The following CDH13 variants were observed in gnomAD, a reference collection of about 807,000 sequenced individuals.
CDH13 encodes the protein cadherin 13, also known as cadherin-13.
In CDH13, 24 loss-of-function variants were observed where a neutral mutation model predicts 63.8. That is an observed-to-expected ratio of 0.38 (90% CI 0.27 to 0.53). The LOEUF (loss-of-function observed/expected upper bound fraction) is 0.53, where lower values mean the gene tolerates loss of function less well. Among genes scored for constraint, CDH13 ranks in the 20% least tolerant of loss-of-function variants. The pLI, the probability that CDH13 is intolerant of heterozygous loss-of-function variation, is 0.85. For synonymous variants in CDH13, 503 were observed against 355.3 expected, an observed-to-expected ratio of 1.42 and a Z score of -4.67; for missense variants, 1,049 against 903.1, an observed-to-expected ratio of 1.16 and a Z score of -2.07.
chr16:82,905,905 C>G (rs1298688537), intron 2 of CDH13, among the ~76,000 whole-genome samples: 1 of 152,160 alleles, frequency 6.6e-6, no homozygotes, highest in Non-Finnish European at 1.5e-5. Flanking sequence ...AAAAGTTTCT[C>G]TCCTTTTTCT....
At chr16:83,367,417 C>T (rs547425524) in intron 6 of CDH13, among the ~76,000 whole-genome samples, 2 of 152,250 alleles carry the variant, frequency 1.3e-5, no homozygotes, top group African/African-American at 4.8e-5. Context: ...CGGGTTGTTA[C>T]TACTTTTTGG....
chr16:82,779,244 G>C (rs1211926301), intron 1 of CDH13, among the ~76,000 whole-genome samples: 1 of 152,142 alleles, frequency 6.6e-6, no homozygotes, highest in East Asian at 1.9e-4. Context: ...AGAAAACCGA[G>C]GTGTAGGGAA....
intron 2 of CDH13, among the ~76,000 whole-genome samples, chr16:83,005,436 G>A (rs1913387312): frequency 6.6e-6 from 1 of 152,132 alleles, no homozygotes; most frequent in African/African-American, 2.4e-5. Flanking sequence ...TGCAGGCACG[G>A]TACTTCCATG....
intron 4 of CDH13, among the ~76,000 whole-genome samples, chr16:83,153,968 C>T (rs1332356144): frequency 3.9e-5 from 6 of 152,198 alleles, no homozygotes; most frequent in African/African-American, 1.4e-4. Flanking sequence ...GTTCACTCAA[C>T]TAAGACTGTA....
chr16:82,992,986 G>C (rs76805559), intron 2 of CDH13, among the ~76,000 whole-genome samples: 1 of 152,122 alleles, frequency 6.6e-6, no homozygotes, highest in Non-Finnish European at 1.5e-5. Context: ...TCTAAGTCTC[G>C]TGGCTGAAGC....
intron 4 of CDH13, among the ~76,000 whole-genome samples, chr16:83,138,284 C>T (rs1048089875): frequency 6.6e-6 from 1 of 152,080 alleles, no homozygotes; most frequent in Admixed American, 6.5e-5. Flanking sequence ...CTGGCTACTG[C>T]TTATGGATTC....
At chr16:83,735,650 A>G (rs1911471781) in intron 10 of CDH13, 1 of 152,132 alleles carries the variant, frequency 6.6e-6, no homozygotes, top group Admixed American at 6.5e-5. Flanking sequence ...CGTAATTCTT[A>G]TACTCTGAGT....
chr16:83,579,917 T>G (rs1046037209), intron 7 of CDH13, among the ~76,000 whole-genome samples: 1 of 152,052 alleles, frequency 6.6e-6, no homozygotes, highest in African/African-American at 2.4e-5. Context: ...ACACTTAAAC[T>G]ATGAGCATGT....
At chr16:82,811,927 GC>G (rs2151181695) in intron 1 of CDH13, among the ~76,000 whole-genome samples, 1 of 152,244 alleles carries the variant, frequency 6.6e-6, no homozygotes, top group Admixed American at 6.5e-5. Context: ...AGTTTGAAGT[GC>G]CTTTTGAGTA....
intron 6 of CDH13, among the ~76,000 whole-genome samples, chr16:83,364,818 C>G (rs1200043048): frequency 6.6e-6 from 1 of 152,146 alleles, no homozygotes; most frequent in African/African-American, 2.4e-5. Context: ...TTGGTTCTTC[C>G]AAACACCACA....
At chr16:83,286,784 T>TTTA (rs1555525267) in intron 5 of CDH13, among the ~76,000 whole-genome samples, 11 of 113,010 alleles carry the variant, frequency 9.7e-5, no homozygotes, top group Admixed American at 1.8e-4. Context: ...ATATATATAT[T>TTTA]TATATATATA....
At chr16:82,772,839 A>G (rs140815889) in intron 1 of CDH13, among the ~76,000 whole-genome samples, 215 of 152,342 alleles carry the variant, frequency 1.4e-3, no homozygotes, top group African/African-American at 4.9e-3. Context: ...CAAAGATTGA[A>G]TAACTTTGAC....
intron 2 of CDH13, among the ~76,000 whole-genome samples, chr16:82,986,895 G>A (rs762003794): frequency 4.6e-5 from 7 of 152,196 alleles, no homozygotes; most frequent in African/African-American, 7.2e-5. Flanking sequence ...TTCAAGTTGT[G>A]TAGGACAGAC....
intron 7 of CDH13, among the ~76,000 whole-genome samples, chr16:83,602,139 AAAAAC>A (rs1567797655): frequency 1.3e-4 from 10 of 76,434 alleles, no homozygotes; most frequent in East Asian, 3.7e-4. Flanking sequence ...AAAAAAAAAA[AAAAAC>A]CCAAAGGACA....
chr16:83,568,551 G>A (rs1904310757), intron 7 of CDH13, among the ~76,000 whole-genome samples: 1 of 152,208 alleles, frequency 6.6e-6, no homozygotes, highest in African/African-American at 2.4e-5. Flanking sequence ...CACTTTAGGA[G>A]ATGATAGTTA....
chr16:83,012,020 C>T (rs575976644), intron 2 of CDH13, among the ~76,000 whole-genome samples: 6 of 152,258 alleles, frequency 3.9e-5, no homozygotes, highest in South Asian at 4.1e-4. Flanking sequence ...TTTAATTTTA[C>T]GCCCTTTCCC....
At chr16:82,849,916 C>A (rs1348591124) in intron 1 of CDH13, among the ~76,000 whole-genome samples, 1 of 152,246 alleles carries the variant, frequency 6.6e-6, no homozygotes, top group Non-Finnish European at 1.5e-5. Flanking sequence ...TTGAGAACTG[C>A]TGCTCAGAAA....
At chr16:83,627,133 A>AG (rs976574930) in intron 8 of CDH13, among the ~76,000 whole-genome samples, 2 of 151,284 alleles carry the variant, frequency 1.3e-5, no homozygotes, top group Non-Finnish European at 2.9e-5. Flanking sequence ...AATACAAAAA[A>AG]AAAAAAATGA....
intron 3 of CDH13, among the ~76,000 whole-genome samples, chr16:83,039,741 A>G (rs547781771): frequency 5.9e-5 from 9 of 152,130 alleles, no homozygotes; most frequent in Admixed American, 4.6e-4. Flanking sequence ...CACACCCTAC[A>G]TTGAACTCTC....
Sources: gnomAD v4.1 joint callset for allele counts (sites outside exome capture counted in the v4.1 genomes callset) on GRCh38, gnomAD v4.1.1 for gene constraint, MANE v1.5 for transcripts, NCBI Gene and HGNC (gene_info 2026-07-23, HGNC 2026-07-21) for gene names.